The following HID1 variants were observed in gnomAD, a reference collection of about 807,000 sequenced individuals.
HID1 encodes HID1 domain containing, also known as protein HID1.
A neutral mutation model predicts 89.7 loss-of-function variants in HID1; 42 were observed. The observed-to-expected ratio is 0.47, with a 90% CI of 0.37 to 0.61. The LOEUF is 0.61. Among genes scored for constraint, HID1 ranks in the 20% least tolerant of loss-of-function variants. The pLI is 0.00. For missense variants in HID1, 854 were observed against 1,039.3 expected, an observed-to-expected ratio of 0.82 and a Z score of 2.45; for synonymous variants, 442 against 433.8, an observed-to-expected ratio of 1.02 and a Z score of -0.24.
intron 6 of HID1, 182 bp downstream of exon 6, chr17:74,961,691 G>T: frequency 2.7e-6 from 1 of 375,402 alleles, no homozygotes; most frequent in Non-Finnish European, 4.8e-6. Context: ...CCCAGATTCT[G>T]TCCTGTCGAG....
At chr17:74,964,312 G>T in intron 2 of HID1, 171 bp downstream of exon 2, 1 of 713,260 alleles carries the variant, frequency 1.4e-6, no homozygotes, top group Non-Finnish European at 2.3e-6. Context: ...CATAAATGAC[G>T]GCTGCCGTGG....
In HID1 at chr17:74,962,582, T is replaced by C. The variant is rs1253308366; in HGVS notation, c.505-242A>G. Among the ~76,000 whole-genome samples the C allele has an allele frequency of 6.6e-6, 1 of 152,122 alleles. No homozygotes were observed. Among genetic ancestry groups the C allele is most frequent in the Non-Finnish European group, 1.5e-5 (1 of 67,998 alleles). ...GGTTCTTTCACTTGCTCAGTCCAGT[T>C]TGGGACAGGGAGAAAGGGAGGGAGG... On this transcript the variant is annotated intron_variant, in intron 4 of 18. Coordinates refer to ENST00000425042, the MANE Select transcript of HID1 (RefSeq NM_030630.3). This position sits in a 1 kb window ranked among gnomAD's most constrained non-coding sequence, Gnocchi z 4.3.
rs201984464 is a variant in HID1, at chr17:74,952,255, G to T, written c.2144+14C>A. The T allele has an allele frequency of 6.2e-7, 1 of 1,600,424 alleles. No homozygotes were observed. The highest frequency in any genetic ancestry group is 1.1e-5 in the South Asian group (1 of 90,654). On this transcript the variant is annotated intron_variant, in intron 17 of 18. Coordinates refer to ENST00000425042, the MANE Select transcript of HID1 (RefSeq NM_030630.3). ...CCCGCCCACAACCCCCGGCCCTGCC[G>T]GCGCCCGACTCACTTGTCAATGCAG...
intron 2 of HID1, 68 bp downstream of exon 2, chr17:74,964,415 G>T: frequency 6.6e-7 from 1 of 1,521,786 alleles, no homozygotes; most frequent in Non-Finnish European, 8.9e-7. Context: ...GGCCCTGGAT[G>T]CGCCTGCCTT....
intron 2 of HID1, chr17:74,964,199 C>T: frequency 1.7e-6 from 1 of 593,246 alleles, no homozygotes. Flanking sequence ...CTCAGTTTCC[C>T]TATCTGTAAA....
Position 74,972,744 on chromosome 17 carries a change from G to A in HID1, c.-88C>T, listed in dbSNP as rs2039670905. The A allele has an allele frequency of 5.5e-6, 7 of 1,284,034 alleles. No homozygotes were observed. Among genetic ancestry groups the A allele is most frequent in the South Asian group, 1.5e-5 (1 of 64,856 alleles). The allele number at this position is 1,284,034 out of a possible 1,614,324, so 79.5% of individuals were successfully genotyped here. Reference sequence around the variant, plus strand: ...CCGGCTCCAGCTCCGCGGCCCCCGCGGCTCTCGCAGGAGACAAGCGGCGCG... The same window carrying A: ...CCGGCTCCAGCTCCGCGGCCCCCGCAGCTCTCGCAGGAGACAAGCGGCGCG... On this transcript the variant is annotated 5_prime_UTR_variant, in exon 1 of 19. Coordinates refer to ENST00000425042, the MANE Select transcript of HID1 (RefSeq NM_030630.3). The surrounding 1 kb of genome is among the most constrained non-coding windows in gnomAD (Gnocchi z 6.4).
chr17:74,966,049 G>T (rs889730245), intron 1 of HID1, among the ~76,000 whole-genome samples: 24 of 151,992 alleles, frequency 1.6e-4, no homozygotes, highest in African/African-American at 5.8e-4. Context: ...CACTTTGGGA[G>T]ACTGAGGCGG....
chr17:74,962,813 T>C lies in HID1; in HGVS notation c.504+152A>G, dbSNP rs2039502995. ...GCTGGCTTCCCTCAGCTGTACCAGC[T>C]GCCACCCAGGCCTACATGTGCCAGG... is the stretch of plus-strand genomic sequence containing the variant. On this transcript the variant is annotated intron_variant, in intron 4 of 18. Transcript: ENST00000425042. This position sits in a 1 kb window ranked among gnomAD's most constrained non-coding sequence, Gnocchi z 4.3. 1 of 623,978 alleles carries C rather than the reference T, an allele frequency of 1.6e-6. No individual in the cohort carries two copies. Among genetic ancestry groups the C allele is most frequent in the Non-Finnish European group, 2.8e-6 (1 of 351,306 alleles). 38.7% of individuals were successfully genotyped at this position (623,978 alleles called of 1,614,324 possible).
chr17:74,960,455 C>A (rs1401368988), intron 6 of HID1, among the ~76,000 whole-genome samples: 1 of 152,150 alleles, frequency 6.6e-6, no homozygotes, highest in Non-Finnish European at 1.5e-5. Context: ...GGGCAGATAC[C>A]CTCCCTTGGG....
chr17:74,959,144 C>T lies in HID1; in HGVS notation c.1009-93G>A. 1 of 1,377,600 alleles carries T rather than the reference C, an allele frequency of 7.3e-7. No homozygotes were observed. Among genetic ancestry groups the T allele is most frequent in the Non-Finnish European group, 9.6e-7 (1 of 1,043,700 alleles). 85.3% of individuals were successfully genotyped at this position (1,377,600 alleles called of 1,614,324 possible). ...GCCCCCAACAAATCCCCCCCTCCAT[C>T]CCCCAGAGCCAGATCCCACCTCCAG... On this transcript the variant is annotated intron_variant, in intron 8 of 18. Transcript: ENST00000425042. This position sits in a 1 kb window ranked among gnomAD's most constrained non-coding sequence, Gnocchi z 4.6.
chr17:74,962,440 C>T lies in HID1; in HGVS notation c.505-100G>A, dbSNP rs1002942887. The T allele has an allele frequency of 1.5e-6, 1 of 667,774 alleles. No individual in the cohort carries two copies. The highest frequency in any genetic ancestry group is 1.8e-5 in the African/African-American group (1 of 54,976). 41.4% of individuals were successfully genotyped at this position (667,774 alleles called of 1,614,324 possible). Reference sequence around the variant, plus strand: ...CTCGAGCCTCACACAGTCCCAGGGGCAGAGACCGCCAGTTCTCCTAAAGAC... The same window carrying T: ...CTCGAGCCTCACACAGTCCCAGGGGTAGAGACCGCCAGTTCTCCTAAAGAC... On this transcript the variant is annotated intron_variant, in intron 4 of 18. Transcript: ENST00000425042. The surrounding 1 kb of genome is among the most constrained non-coding windows in gnomAD (Gnocchi z 4.3).
At position 74,972,558 on chromosome 17, in the gene HID1, G is replaced by A. The variant is rs957465697; in HGVS notation, c.66+33C>T. ...CCCTGCCCAGCCCCCAGCCCGGCAG[G>A]TGGATGGGGACGCCGGGGCCCCCGT... On this transcript the variant is annotated intron_variant, in intron 1 of 18. Transcript: ENST00000425042. The surrounding 1 kb of genome is among the most constrained non-coding windows in gnomAD (Gnocchi z 6.4). The A allele has an allele frequency of 3.7e-5, 57 of 1,534,958 alleles. No homozygotes were observed. Among genetic ancestry groups the A allele is most frequent in the Middle Eastern group, 3.5e-4 (2 of 5,742 alleles).
At chr17:74,952,903 TC>T in intron 16 of HID1, 102 bp downstream of exon 16, 1 of 860,784 alleles carries the variant, frequency 1.2e-6, no homozygotes, top group Non-Finnish European at 1.8e-6. Context: ...CTTGCCATCT[TC>T]ACTGAGCTTC....
Position 74,951,602 on chromosome 17 carries a change from C to G in HID1, c.2335G>C (p.Asp779His). The change falls in exon 19 of 19, where the codon GAC becomes CAC. Residue 779 changes from aspartate (D) to histidine (H), a missense_variant. Transcript: ENST00000425042. ...CGCTGTATCTCAAACAGCTTCACGT[C>G]GGTGTCGTACCAGACAGGGGGGTCC... The part of the protein sequence containing the change: ...NVDPPVWYDT[D>H]VKLFEIQRV The G allele has an allele frequency of 6.2e-7, 1 of 1,612,794 alleles. No homozygotes were observed.
chr17:74,961,360 C>T (rs1247350155), intron 6 of HID1, among the ~76,000 whole-genome samples: 6 of 151,992 alleles, frequency 3.9e-5, no homozygotes, highest in Non-Finnish European at 5.9e-5. Context: ...CTCCGCCTCC[C>T]GGGTTCAAGC....
rs150083005 is a variant in HID1 at position 74,958,922 on chromosome 17, C to T, written c.1138G>A (p.Asp380Asn). The T allele has an allele frequency of 8.2e-6, 13 of 1,592,568 alleles. No homozygotes were observed. The highest frequency in any genetic ancestry group is 4.1e-5 in the African/African-American group (3 of 73,616). ...ELLVLFWKLCDFNKKFLFFVL... is the reference protein window; with the variant it reads ...ELLVLFWKLCNFNKKFLFFVL... ...CGAGGCTGGCCCACCTTGTTGAAGT[C>T]GCAGAGCTTCCAGAAGAGAACTAGC... Residue 380 changes from aspartate to asparagine, a missense_variant, in exon 9 of 19, where the codon GAC becomes AAC. Transcript: ENST00000425042. The surrounding 1 kb of genome is among the most constrained non-coding windows in gnomAD (Gnocchi z 5.2).
rs951628533 is a variant in HID1 at position 74,954,211 on chromosome 17, G to T, written c.1791C>A (p.Thr597=). 6.2e-7 allele frequency: 1 copy of T among 1,600,008 alleles called. No individual in the cohort carries two copies. Among genetic ancestry groups the T allele is most frequent in the African/African-American group, 1.3e-5 (1 of 74,998 alleles). The change falls in exon 14 of 19, where the codon ACC becomes ACA. Residue 597 remains threonine, a synonymous_variant. Coordinates refer to ENST00000425042, the MANE Select transcript of HID1 (RefSeq NM_030630.3). The stretch of plus-strand genomic sequence containing the variant: ...CAGCGGGGCGGGAGCCCTCCATGGA[G>T]GTGCCCTCCTGGGAGCCGGTGCGAG... ...PLSRTGSQEG[T]SMEGSRPAAP... is the part of the protein sequence containing the mutation.
chr17:74,952,069 G>A lies in HID1; in HGVS notation c.2145-6C>T, dbSNP rs1375046680. The A allele has an allele frequency of 5.8e-6, 9 of 1,555,588 alleles. No individual in the cohort carries two copies. In the East Asian group the frequency reaches 2.1e-4, roughly 37 times the overall value. Reference sequence around the variant, plus strand: ...CAGACTCATCCGTCAGGCCCCTGCGGGGAGAGGGGTATCTCCAGCACACTC... The same window carrying A: ...CAGACTCATCCGTCAGGCCCCTGCGAGGAGAGGGGTATCTCCAGCACACTC... On this transcript the variant is annotated splice_polypyrimidine_tract_variant and splice_region_variant and intron_variant, in intron 17 of 18. Coordinates refer to ENST00000425042, the MANE Select transcript of HID1 (RefSeq NM_030630.3).
At chr17:74,961,111 C>A (rs1272609170) in intron 6 of HID1, among the ~76,000 whole-genome samples, 2 of 152,172 alleles carry the variant, frequency 1.3e-5, no homozygotes, top group African/African-American at 4.8e-5. Context: ...TGGAATGTGG[C>A]TGATCGGAAC....
Sources: allele counts gnomAD v4.1 joint callset (sites outside exome capture counted in the v4.1 genomes callset), GRCh38; gene constraint gnomAD v4.1.1; non-coding constraint Gnocchi (gnomAD v3.1); transcripts MANE v1.5; gene names NCBI Gene and HGNC (gene_info 2026-07-23, HGNC 2026-07-21).